Variants in LARGE1 observed in about 807,000 individuals in gnomAD.
LARGE1 encodes LARGE xylosyl- and glucuronyltransferase 1, also known as xylosyl- and glucuronyltransferase LARGE1.
LARGE1 carries 43 observed loss-of-function variants against 87.6 expected under a neutral mutation model. That is an observed-to-expected ratio of 0.49 (90% CI 0.38 to 0.63). The LOEUF (loss-of-function observed/expected upper bound fraction) is 0.63, where lower values mean the gene tolerates loss of function less well. Ranked by LOEUF, LARGE1 falls within the 30% of genes least tolerant of loss-of-function variation. LARGE1 has a pLI of 0.00. For missense variants in LARGE1, 802 were observed against 1,000.2 expected, an observed-to-expected ratio of 0.80 and a Z score of 2.67; for synonymous variants, 434 against 394.6, an observed-to-expected ratio of 1.10 and a Z score of -1.18.
At chr22:33,569,783 C>T (rs2078139205) in intron 5 of LARGE1, among the ~76,000 whole-genome samples, 1 of 152,212 alleles carries the variant, frequency 6.6e-6, no homozygotes, top group Non-Finnish European at 1.5e-5. Context: ...TCCTCCAGCA[C>T]AGCATGTTAT....
intron 6 of LARGE1, among the ~76,000 whole-genome samples, chr22:33,432,930 G>A (rs572522047): frequency 3.3e-5 from 5 of 152,168 alleles, no homozygotes; most frequent in Admixed American, 3.3e-4. Flanking sequence ...GATAACAACT[G>A]CTCCTCTGTC....
intron 1 of LARGE1, among the ~76,000 whole-genome samples, chr22:33,803,236 A>G (rs2086216800): frequency 6.9e-6 from 1 of 145,570 alleles, no homozygotes; most frequent in Non-Finnish European, 1.6e-5. Context: ...CTTCTATACA[A>G]CTTCTATACA....
At chr22:33,167,874 C>T (rs1016516310) in intron 11 of LARGE1, among the ~76,000 whole-genome samples, 10 of 152,148 alleles carry the variant, frequency 6.6e-5, no homozygotes, top group African/African-American at 2.4e-4. Context: ...GCAGTAGCCT[C>T]AGGAGATAAT....
chr22:33,166,802 G>A (rs1922299515), exon 12 of LARGE1: 2 of 471,474 alleles, frequency 4.2e-6, no homozygotes, highest in Non-Finnish European at 8.8e-6. Flanking sequence ...TGCAGCTGAT[G>A]ATGGGAGATA....
At chr22:33,832,915 T>C (rs561622735) in intron 1 of LARGE1, among the ~76,000 whole-genome samples, 1 of 152,350 alleles carries the variant, frequency 6.6e-6, no homozygotes, top group South Asian at 2.1e-4. Flanking sequence ...AGACATGGCC[T>C]GGCAGGCACT....
intron 3 of LARGE1, among the ~76,000 whole-genome samples, chr22:33,630,346 C>T (rs2080068012): frequency 6.6e-6 from 1 of 152,204 alleles, no homozygotes; most frequent in African/African-American, 2.4e-5. Flanking sequence ...CTTTGCTTAA[C>T]AACACAGATA....
intron 3 of LARGE1, among the ~76,000 whole-genome samples, chr22:33,643,726 G>GGAT (rs1306232105): frequency 2.0e-5 from 3 of 151,942 alleles, no homozygotes; most frequent in Non-Finnish European, 2.9e-5. Context: ...ATGATAAAGG[G>GGAT]GACATCACCA....
intron 7 of LARGE1, among the ~76,000 whole-genome samples, chr22:33,427,113 T>C (rs2066906670): frequency 1.3e-5 from 2 of 152,238 alleles, no homozygotes; most frequent in East Asian, 3.8e-4. Flanking sequence ...CCTGTCAAAA[T>C]CCTAGGTGTA....
In LARGE1 at chr22:33,412,156, C is replaced by T. The variant is rs538628015; in HGVS notation, c.892+20005G>A. Among the ~76,000 whole-genome samples, 408 of 152,166 alleles carry T rather than the reference C, an allele frequency of 2.7e-3. 1 individual carries two copies. Among genetic ancestry groups the T allele is most frequent in the African/African-American group, 8.7e-3 (362 of 41,526 alleles). On this transcript the variant is annotated intron_variant, in intron 7 of 14. Coordinates refer to ENST00000397394, the MANE Select transcript of LARGE1 (RefSeq NM_133642.5). ...AAAATTAGCCAGGCGTGGTGGCACGCGCTTGTAGTCCCAGCTACTCGAGAG... is the reference window on the plus strand; with the variant it reads ...AAAATTAGCCAGGCGTGGTGGCACGTGCTTGTAGTCCCAGCTACTCGAGAG...
At chr22:33,688,885 G>A (rs1466199974) in intron 2 of LARGE1, among the ~76,000 whole-genome samples, 1 of 151,828 alleles carries the variant, frequency 6.6e-6, no homozygotes, top group African/African-American at 2.4e-5. Context: ...GGTCCCAGTG[G>A]GCCCACTCCA....
intron 4 of LARGE1, among the ~76,000 whole-genome samples, chr22:33,614,638 A>G (rs756540153): frequency 6.6e-6 from 1 of 152,032 alleles, no homozygotes; most frequent in Non-Finnish European, 1.5e-5. Context: ...CAACAGCCAC[A>G]TTCCCGGGGA....
intron 5 of LARGE1, among the ~76,000 whole-genome samples, chr22:33,593,212 T>C (rs1250413786): frequency 1.3e-5 from 2 of 151,960 alleles, no homozygotes; most frequent in Non-Finnish European, 2.9e-5. Context: ...GGCTAATTTG[T>C]GGATTTTCTT....
intron 6 of LARGE1, among the ~76,000 whole-genome samples, chr22:33,437,876 G>A (rs1282851455): frequency 1.3e-5 from 2 of 152,158 alleles, no homozygotes; most frequent in African/African-American, 4.8e-5. Context: ...TTAGCAAGAT[G>A]GGGGAATAAT....
rs551061327 is a variant in LARGE1, at chr22:33,369,048, C to T, written c.1131+12871G>A. On this transcript the variant is annotated intron_variant, in intron 9 of 14. Coordinates refer to ENST00000397394, the MANE Select transcript of LARGE1 (RefSeq NM_133642.5). ...TAACAATGAAGTTTCCCACATGGAT[C>T]GACTCTTCCTTTCATGAAAAGTTTC... Among the ~76,000 whole-genome samples, 542 of 152,144 alleles carry T rather than the reference C, an allele frequency of 3.6e-3. 4 individuals are homozygous for T. Among genetic ancestry groups the T allele is most frequent in the Non-Finnish European group, 5.3e-3 (362 of 68,008 alleles).
At chr22:33,253,097 C>T (rs946280096) in intron 11 of LARGE1, among the ~76,000 whole-genome samples, 1 of 152,102 alleles carries the variant, frequency 6.6e-6, no homozygotes, top group Admixed American at 6.5e-5. Context: ...AATGAACAGA[C>T]GTGTCAAGTG....
At chr22:33,484,320 G>C (rs1024566053) in intron 6 of LARGE1, among the ~76,000 whole-genome samples, 1 of 152,124 alleles carries the variant, frequency 6.6e-6, no homozygotes, top group Non-Finnish European at 1.5e-5. Flanking sequence ...GATTATATAA[G>C]AATCTTTCTT....
At chr22:33,857,504 T>G (rs1002047) in intron 1 of LARGE1, among the ~76,000 whole-genome samples, 128,976 of 152,286 alleles carry the variant, frequency 0.85, 54,784 homozygotes, top group African/African-American at 0.9. Flanking sequence ...AACACTTACT[T>G]AAATATTTCT....
chr22:33,462,894 A>C (rs1255344605), intron 6 of LARGE1, among the ~76,000 whole-genome samples: 1 of 152,250 alleles, frequency 6.6e-6, no homozygotes, highest in East Asian at 1.9e-4. Context: ...CAAGCATGTA[A>C]CTCAGAAGGA....
the LARGE1 span, among the ~76,000 whole-genome samples, chr22:33,088,764 A>G: frequency 1.3e-5 from 2 of 152,332 alleles, no homozygotes; most frequent in African/African-American, 4.8e-5. Context: ...TGAATCCCCG[A>G]CTTTTAGAGA....
Sources: allele counts gnomAD v4.1 joint callset (sites outside exome capture counted in the v4.1 genomes callset), GRCh38; gene constraint gnomAD v4.1.1; transcripts MANE v1.5; gene names NCBI Gene and HGNC (gene_info 2026-07-23, HGNC 2026-07-21).